TENM2: variants seen among roughly 807,000 people sequenced by gnomAD.
The protein encoded by TENM2 is teneurin transmembrane protein 2, also known as teneurin-2.
Under a neutral mutation model 245.2 loss-of-function variants are expected in TENM2, and 52 were observed. That is an observed-to-expected ratio of 0.21 (90% CI 0.17 to 0.27). The LOEUF is 0.27. Among genes scored for constraint, TENM2 ranks in the 10% least tolerant of loss-of-function variants. The pLI is 1.00. For missense variants in TENM2, 3,046 were observed against 3,666.8 expected (o/e 0.83, Z 4.37); for synonymous variants, 1,363 against 1,438.9 (o/e 0.95, Z 1.19).
intron 1 of TENM2, among the ~76,000 whole-genome samples, chr5:167,348,603 C>A (rs1323215606): frequency 6.6e-6 from 1 of 152,178 alleles, no homozygotes; most frequent in Non-Finnish European, 1.5e-5. Context: ...GATTAAAAAA[C>A]CTCAAGATGG....
chr5:167,153,279 C>T, the TENM2 span, among the ~76,000 whole-genome samples: 244 of 151,910 alleles, frequency 1.6e-3, no homozygotes, highest in African/African-American at 5.7e-3. Context: ...AGTTGATTAA[C>T]ACGTATTTCA....
chr5:167,104,687 T>C, the TENM2 span, among the ~76,000 whole-genome samples: 3 of 152,298 alleles, frequency 2.0e-5, no homozygotes, highest in Non-Finnish European at 2.9e-5. Flanking sequence ...AGATGGACAT[T>C]AATATTCCCT....
chr5:167,139,196 A>C, the TENM2 span, among the ~76,000 whole-genome samples: 1 of 152,196 alleles, frequency 6.6e-6, no homozygotes, highest in Non-Finnish European at 1.5e-5. Context: ...CGTATGGCCA[A>C]ATTTCAATGA....
chr5:168,202,530 G>T lies in TENM2; in HGVS notation c.3431-1159G>T, dbSNP rs144336641. Among the ~76,000 whole-genome samples, 8 of 149,380 alleles carry T rather than the reference G, an allele frequency of 5.4e-5. No individual in the cohort carries two copies. In the East Asian group the frequency reaches 1.6e-3, roughly 29 times the overall value. On this transcript the variant is annotated intron_variant, in intron 17 of 28. Coordinates refer to ENST00000518659, the Ensembl canonical transcript of TENM2. ...CTTGCTATCTAGTATGATAAAGTAG[G>T]CTGGTGTCATTGTGTTCATTTCTTG...
intron 21 of TENM2, among the ~76,000 whole-genome samples, chr5:168,215,875 CG>C (rs1197710672): frequency 6.6e-6 from 1 of 152,132 alleles, no homozygotes; most frequent in African/African-American, 2.4e-5. Flanking sequence ...CCTCTGGCCA[CG>C]CCCAGACTTC....
intron 7 of TENM2, among the ~76,000 whole-genome samples, chr5:168,066,263 T>C (rs1307346059): frequency 6.6e-6 from 1 of 152,172 alleles, no homozygotes; most frequent in Admixed American, 6.6e-5. Context: ...TGCTTGGAAG[T>C]CACACATATC....
chr5:168,175,307 A>G (rs1362476328), intron 13 of TENM2, among the ~76,000 whole-genome samples: 1 of 152,174 alleles, frequency 6.6e-6, no homozygotes. Flanking sequence ...CTGCCTTCCA[A>G]TCAAAAACTC....
the TENM2 span, among the ~76,000 whole-genome samples, chr5:167,226,426 G>T: frequency 6.6e-6 from 1 of 151,862 alleles, no homozygotes; most frequent in Admixed American, 6.6e-5. Context: ...GGAACATGTT[G>T]TTTAGTATCC....
At chr5:167,758,729 C>T (rs1015759883) in intron 2 of TENM2, among the ~76,000 whole-genome samples, 1 of 151,838 alleles carries the variant, frequency 6.6e-6, no homozygotes, top group Non-Finnish European at 1.5e-5. Flanking sequence ...TGAAAAAATT[C>T]GCTGATTTTC....
At chr5:167,572,927 A>G (rs1307746678) in intron 2 of TENM2, among the ~76,000 whole-genome samples, 1 of 152,192 alleles carries the variant, frequency 6.6e-6, no homozygotes, top group Non-Finnish European at 1.5e-5. Flanking sequence ...CTTTCCTAAT[A>G]GCTTCTTTTC....
chr5:168,102,788 A>G (rs1793925325), intron 9 of TENM2, among the ~76,000 whole-genome samples: 1 of 152,244 alleles, frequency 6.6e-6, no homozygotes. Flanking sequence ...TTAAATAACA[A>G]TAGCTTTTAA....
intron 7 of TENM2, among the ~76,000 whole-genome samples, chr5:168,079,825 G>A (rs767889445): frequency 1.3e-5 from 2 of 152,078 alleles, no homozygotes; most frequent in African/African-American, 4.8e-5. Context: ...TGCTGGATTC[G>A]GTTTGCCAGT....
the TENM2 span, among the ~76,000 whole-genome samples, chr5:166,995,118 AG>A: frequency 6.6e-6 from 1 of 152,192 alleles, no homozygotes; most frequent in Non-Finnish European, 1.5e-5. Flanking sequence ...GCACATATGT[AG>A]TATGTGCTTG....
chr5:167,464,099 A>T (rs1326777002), intron 2 of TENM2, among the ~76,000 whole-genome samples: 1 of 152,138 alleles, frequency 6.6e-6, no homozygotes, highest in African/African-American at 2.4e-5. Flanking sequence ...ACTTAATGAC[A>T]ATTTCTCATC....
chr5:167,089,945 C>T, the TENM2 span, among the ~76,000 whole-genome samples: 3 of 152,036 alleles, frequency 2.0e-5, no homozygotes, highest in Non-Finnish European at 4.4e-5. Context: ...CCTGGGTGCT[C>T]CTAGCTCAGG....
rs112899608 is a variant in TENM2, at chr5:167,916,675, G to A, written c.713-35913G>A. On this transcript the variant is annotated intron_variant, in intron 3 of 28. Coordinates refer to ENST00000518659, the Ensembl canonical transcript of TENM2. The stretch of plus-strand genomic sequence containing the variant: ...AGAGTTCACCTTGAAAGGCTGAGAC[G>A]CCTGTGAGCAGAGCTCGGATCTTCC... Among the ~76,000 whole-genome samples, 440 of 152,236 alleles carry A rather than the reference G, an allele frequency of 2.9e-3. 1 individual carries two copies. The highest frequency in any genetic ancestry group is 0.01 in the African/African-American group (426 of 41,550).
chr5:167,945,586 G>C (rs1228157770), intron 3 of TENM2, among the ~76,000 whole-genome samples: 2 of 152,330 alleles, frequency 1.3e-5, no homozygotes, highest in East Asian at 3.9e-4. Context: ...AACGTAGGCA[G>C]AGCGGAGGAA....
chr5:167,236,583 GTCT>G, the TENM2 span, among the ~76,000 whole-genome samples: 98 of 152,290 alleles, frequency 6.4e-4, 1 homozygote, highest in South Asian at 7.3e-3. Flanking sequence ...AATCTTAGAA[GTCT>G]TCTAGATCCT....
intron 2 of TENM2, among the ~76,000 whole-genome samples, chr5:167,648,213 C>T (rs1043148020): frequency 3.3e-5 from 5 of 152,182 alleles, no homozygotes; most frequent in African/African-American, 1.2e-4. Context: ...GGCTTATGCC[C>T]AGCACCTGGC....
Sources: gnomAD v4.1 joint callset for allele counts (sites outside exome capture counted in the v4.1 genomes callset) on GRCh38, gnomAD v4.1.1 for gene constraint, MANE v1.5 for transcripts, NCBI Gene and HGNC (gene_info 2026-07-23, HGNC 2026-07-21) for gene names.